NCAPD2: variants seen among roughly 807,000 people sequenced by gnomAD.
The protein encoded by NCAPD2 is non-SMC condensin I complex subunit D2.
In NCAPD2, 100 loss-of-function variants were observed where a neutral mutation model predicts 164.5. The observed-to-expected ratio is 0.61, with a 90% confidence interval of 0.52 to 0.72. The LOEUF (loss-of-function observed/expected upper bound fraction) is 0.72, where lower values mean the gene tolerates loss of function less well. NCAPD2 is among the 30% of genes least tolerant of loss of function. The probability of loss-of-function intolerance (pLI) is 0.00; values close to 1 mark genes in which losing one functional copy is unlikely to be tolerated. For synonymous variants in NCAPD2, 585 were observed against 642.6 expected, an observed-to-expected ratio of 0.91 and a Z score of 1.36; for missense variants, 1,560 against 1,749.2, an observed-to-expected ratio of 0.89 and a Z score of 1.93.
At position 6,526,865 on chromosome 12, in the gene NCAPD2, C is replaced by T. The variant is rs748655934; in HGVS notation, c.2735-26C>T. The T allele has an allele frequency of 3.8e-6, 6 of 1,581,418 alleles. No homozygotes were observed. The South Asian group carries it at 4.6e-5, about 12-fold the overall frequency. On this transcript the variant is annotated intron_variant, in intron 21 of 31. Coordinates refer to ENST00000315579, the MANE Select transcript of NCAPD2 (RefSeq NM_014865.4). Reference sequence around the variant, plus strand: ...TGGGACTTAAAAATGTCTCTTTGCCCCACCTTCCCTCTCCCTCTCCTCCAG... The same window carrying T: ...TGGGACTTAAAAATGTCTCTTTGCCTCACCTTCCCTCTCCCTCTCCTCCAG...
chr12:6,526,752 C>G, intron 21 of NCAPD2, 137 bp downstream of exon 21: 1 of 1,412,698 alleles, frequency 7.1e-7, no homozygotes, highest in Non-Finnish European at 9.7e-7. Flanking sequence ...GAAGTTGGGC[C>G]AGTTCCCACC....
Position 6,505,312 on chromosome 12 carries a change from C to T in NCAPD2, c.128-4405C>T, listed in dbSNP as rs1015965388. 2.6e-5 allele frequency among the ~76,000 whole-genome samples: 4 copies of T among 152,144 alleles called. No individual in the cohort carries two copies. In the South Asian group the frequency reaches 6.2e-4, roughly 24 times the overall value. ...AGCTCCTCACCTCAAGTGATTCACC[C>T]GCCTCGGTCTCCAAAGCGCTGGGAT... On this transcript the variant is annotated intron_variant, in intron 2 of 31. Transcript: ENST00000315579.
intron 13 of NCAPD2, among the ~76,000 whole-genome samples, chr12:6,518,708 A>T (rs181805291): frequency 1.3e-5 from 2 of 150,246 alleles, no homozygotes; most frequent in Non-Finnish European, 1.5e-5. Context: ...TTTAGTAGAG[A>T]CAGGGTTTCA....
At chr12:6,500,946 A>G (rs1302711551) in intron 2 of NCAPD2, among the ~76,000 whole-genome samples, 1 of 152,158 alleles carries the variant, frequency 6.6e-6, no homozygotes, top group East Asian at 1.9e-4. Flanking sequence ...GGAAGTGGTG[A>G]TAAAACGACT....
In NCAPD2 at chr12:6,514,581, T is replaced by C. The variant is rs1277758609; in HGVS notation, c.833T>C (p.Ile278Thr). 12 of 1,614,134 alleles carry C rather than the reference T, an allele frequency of 7.4e-6. No individual in the cohort carries two copies. In the East Asian group the frequency reaches 2.7e-4, roughly 36 times the overall value. ...GGAATGAAGAGCATAGTGGGAGAGATTGTAAGGTGACTCTTCCTTCTCGAA... is the reference window on the plus strand; with the variant it reads ...GGAATGAAGAGCATAGTGGGAGAGACTGTAAGGTGACTCTTCCTTCTCGAA... ...DYGMKSIVGE[I>T]VREIGQKCPQ... Residue 278 changes from isoleucine (I) to threonine (T), a missense_variant, in exon 8 of 32, where the codon ATT (isoleucine) becomes ACT (threonine). Ile to Thr is a moderately conservative substitution (Grantham distance 89). Transcript: ENST00000315579.
At chr12:6,504,210 T>TAC (rs1565539591) in intron 2 of NCAPD2, among the ~76,000 whole-genome samples, 33 of 22,098 alleles carry the variant, frequency 1.5e-3, no homozygotes, top group African/African-American at 0.014. Context: ...TATATATATA[T>TAC]ATATATAGAT....
Position 6,517,973 on chromosome 12 carries a change from T to C in NCAPD2, c.1589+14T>C, listed in dbSNP as rs773639729. 8.1e-6 allele frequency: 13 copies of C among 1,611,470 alleles called. No homozygotes were observed. The East Asian group carries it at 2.9e-4, about 36-fold the overall frequency. ...AGCTAGTTACAAGTAGGCAAAAGAA[T>C]GGGATATTCTTCGTGATCTGTTTAT... On this transcript the variant is annotated intron_variant, in intron 13 of 31. Transcript: ENST00000315579.
rs754648578 is a variant in NCAPD2, at chr12:6,528,198, C to T, written c.3169C>T (p.Arg1057Cys). The T allele has an allele frequency of 2.5e-6, 4 of 1,614,184 alleles. No homozygotes were observed. The highest frequency in any genetic ancestry group is 2.2e-5 in the East Asian group (1 of 44,890). The change falls in exon 25 of 32, where the codon CGT becomes TGT. Residue 1057 changes from arginine to cysteine, a missense_variant. Physicochemically the swap from Arg to Cys is radical, Grantham distance 180. Coordinates refer to ENST00000315579, the MANE Select transcript of NCAPD2 (RefSeq NM_014865.4). This position sits in a 1 kb window ranked among gnomAD's most constrained non-coding sequence, Gnocchi z 5.1. ...TGCCACTTTCTGCGACTCCCAGCTT[C>T]GTCTTCTGTTCACCATGCTGGAAAA... is the stretch of plus-strand genomic sequence containing the variant. ...ISATFCDSQL[R>C]LLFTMLEKSP... is the part of the protein sequence containing the mutation.
intron 8 of NCAPD2, 58 bp downstream of exon 8, chr12:6,514,645 A>T (rs747209724): frequency 5.6e-6 from 9 of 1,612,536 alleles, no homozygotes; most frequent in Non-Finnish European, 7.6e-6. Flanking sequence ...GGAATAAAGA[A>T]AGATTGGAAA....
chr12:6,519,326 C>G lies in NCAPD2; in HGVS notation c.1589+1367C>G, dbSNP rs946853374. On this transcript the variant is annotated intron_variant, in intron 13 of 31. Coordinates refer to ENST00000315579, the MANE Select transcript of NCAPD2 (RefSeq NM_014865.4). ...ATAAGTGCATGTTCCACCAAGCATTCTAGTATTTTCTCCTGTCAATTAGAA... is the reference window on the plus strand; with the variant it reads ...ATAAGTGCATGTTCCACCAAGCATTGTAGTATTTTCTCCTGTCAATTAGAA... 3.3e-5 allele frequency among the ~76,000 whole-genome samples: 5 copies of G among 152,068 alleles called. No individual in the cohort carries two copies. In the East Asian group the frequency reaches 5.9e-4, roughly 18 times the overall value.
At position 6,528,314 on chromosome 12, in the gene NCAPD2, T is replaced by A. The variant is rs376577408; in HGVS notation, c.3285T>A (p.Pro1095=). 6.2e-7 allele frequency: 1 copy of A among 1,613,636 alleles called. No homozygotes were observed. The highest frequency in any genetic ancestry group is 1.3e-5 in the African/African-American group (1 of 74,920). The change falls in exon 25 of 32, where the codon CCT becomes CCA. Residue 1095 remains proline, a synonymous_variant. Transcript: ENST00000315579. The surrounding 1 kb of genome is among the most constrained non-coding windows in gnomAD (Gnocchi z 5.1). ...CCAATCTGGTGGACCCCTGGACTCC[T>A]CATCTGTATGCTCGGTAAGAGACCC... The part of the protein sequence containing the change: ...RFPNLVDPWT[P]HLYARLRDPA...
Position 6,495,112 on chromosome 12 carries a change from T to C in NCAPD2, c.14T>C (p.Met5Thr), listed in dbSNP as rs368305298. 103 of 1,614,032 alleles carry C rather than the reference T, an allele frequency of 6.4e-5. No homozygotes were observed. Among genetic ancestry groups the C allele is most frequent in the Non-Finnish European group, 8.3e-5 (98 of 1,180,018 alleles). The stretch of plus-strand genomic sequence containing the variant: ...TGTAGGAGTAGAATGGCTCCCCAAA[T>C]GTATGAGTTCCATCTGCCATTATCC... MAPQ[M>T]YEFHLPLSPE... Residue 5 changes from methionine to threonine, a missense_variant, in exon 2 of 32, where the codon ATG (methionine) becomes ACG (threonine). Transcript: ENST00000315579.
In NCAPD2 at chr12:6,529,969, C is replaced by T. The variant is rs948997970; in HGVS notation, c.3837+11C>T. ...AAGCCTGAGGGCAAGGTGAGCAGCA[C>T]AGGACACTTCAATGCCTGTTGGGTT... On this transcript the variant is annotated intron_variant, in intron 29 of 31. Transcript: ENST00000315579. The T allele has an allele frequency of 4.0e-5, 64 of 1,608,696 alleles. No homozygotes were observed. The highest frequency in any genetic ancestry group is 5.3e-5 in the Non-Finnish European group (62 of 1,176,516).
chr12:6,525,856 C>A, intron 18 of NCAPD2, 140 bp downstream of exon 18: 1 of 1,309,994 alleles, frequency 7.6e-7, no homozygotes, highest in African/African-American at 1.5e-5. Flanking sequence ...AATGGAAAAG[C>A]AAATAGTGAG....
rs779032359 is a variant in NCAPD2 at position 6,526,281 on chromosome 12, C to T, written c.2482-6C>T. ...ACACACACCCACGTTGTCTTGCTCT[C>T]CACAGCCTTCTCTGGGCAAACGTCA... On this transcript the variant is annotated splice_region_variant and splice_polypyrimidine_tract_variant and intron_variant, in intron 19 of 31. Coordinates refer to ENST00000315579, the MANE Select transcript of NCAPD2 (RefSeq NM_014865.4). The T allele has an allele frequency of 4.3e-6, 7 of 1,614,200 alleles. No individual in the cohort carries two copies. In the Admixed American group the frequency reaches 1.0e-4, roughly 23 times the overall value.
At chr12:6,521,703 AAAAT>A in intron 14 of NCAPD2, 91 bp from the exon 15 acceptor site, 2 of 1,458,490 alleles carry the variant, frequency 1.4e-6, no homozygotes, top group South Asian at 1.3e-5. Flanking sequence ...AAGAAGAAGG[AAAAT>A]AAATAAGTAA....
Position 6,517,979 on chromosome 12 carries a change from A to G in NCAPD2, c.1589+20A>G. 1 of 1,609,852 alleles carries G rather than the reference A, an allele frequency of 6.2e-7. No individual in the cohort carries two copies. Among genetic ancestry groups the G allele is most frequent in the Non-Finnish European group, 8.5e-7 (1 of 1,177,700 alleles). Reference sequence around the variant, plus strand: ...TTACAAGTAGGCAAAAGAATGGGATATTCTTCGTGATCTGTTTATGTTTAG... The same window carrying G: ...TTACAAGTAGGCAAAAGAATGGGATGTTCTTCGTGATCTGTTTATGTTTAG... On this transcript the variant is annotated intron_variant, in intron 13 of 31. Coordinates refer to ENST00000315579, the MANE Select transcript of NCAPD2 (RefSeq NM_014865.4).
intron 9 of NCAPD2, among the ~76,000 whole-genome samples, chr12:6,515,638 A>C (rs188804464): frequency 6.6e-6 from 1 of 152,302 alleles, no homozygotes; most frequent in East Asian, 1.9e-4. Flanking sequence ...GCTGATTCCC[A>C]TACTGATGTT....
chr12:6,511,359 C>A, intron 6 of NCAPD2, 107 bp downstream of exon 6: 1 of 1,323,520 alleles, frequency 7.6e-7, no homozygotes, highest in Non-Finnish European at 1.0e-6. Flanking sequence ...GGGGACAGAG[C>A]TTCACTCTTG....
Sources: allele counts gnomAD v4.1 joint callset (sites outside exome capture counted in the v4.1 genomes callset), GRCh38; gene constraint gnomAD v4.1.1; non-coding constraint Gnocchi (gnomAD v3.1); transcripts MANE v1.5; gene names NCBI Gene and HGNC (gene_info 2026-07-23, HGNC 2026-07-21).